Variants in PARVA observed in about 807,000 individuals in gnomAD.
PARVA encodes parvin alpha.
A neutral mutation model predicts 52.6 loss-of-function variants in PARVA; 25 were observed. The observed-to-expected ratio is 0.48, with a 90% CI of 0.35 to 0.66. The LOEUF (loss-of-function observed/expected upper bound fraction) is 0.66, where lower values mean the gene tolerates loss of function less well. PARVA is among the 30% of genes least tolerant of loss of function. PARVA has a pLI of 0.01. For synonymous variants in PARVA, 185 were observed against 179.1 expected (o/e 1.03, Z -0.26); for missense variants, 373 against 450.9 (o/e 0.83, Z 1.56).
At position 12,470,349 on chromosome 11, in the gene PARVA, T is replaced by C. The variant is rs558891854; in HGVS notation, c.137-3396T>C. On this transcript the variant is annotated intron_variant, in intron 1 of 12. Transcript: ENST00000334956. The stretch of plus-strand genomic sequence containing the variant: ...CCTAGCTCTTACCAGCTGCCAGGCA[T>C]GCTTCTGGGTACTTTGCATATATTA... 2.7e-4 allele frequency among the ~76,000 whole-genome samples: 41 copies of C among 152,372 alleles called. 1 individual carries two copies. The highest frequency in any genetic ancestry group is 2.6e-3 in the Admixed American group (40 of 15,310).
At chr11:12,398,255 GC>G (rs1939778993) in intron 1 of PARVA, 1 of 152,008 alleles carries the variant, frequency 6.6e-6, no homozygotes, top group Non-Finnish European at 1.5e-5. Context: ...TCCAAGAGCT[GC>G]CCTCCTTGGG....
chr11:12,514,167 G>A (rs573070572), intron 10 of PARVA, 102 bp downstream of exon 10: 8 of 831,174 alleles, frequency 9.6e-6, no homozygotes, highest in African/African-American at 8.4e-5. Flanking sequence ...CCCAGCTGAG[G>A]GGGATGAGGG....
intron 1 of PARVA, among the ~76,000 whole-genome samples, chr11:12,443,607 C>A (rs1255297022): frequency 6.6e-6 from 1 of 152,132 alleles, no homozygotes; most frequent in African/African-American, 2.4e-5. Flanking sequence ...TTCATTCATG[C>A]TTTTTAAGTA....
At chr11:12,452,814 G>A (rs1235830383) in intron 1 of PARVA, 2 of 280,132 alleles carry the variant, frequency 7.1e-6, no homozygotes, top group East Asian at 8.3e-5. Context: ...TATATAGGCA[G>A]CCACTTGTTT....
At position 12,427,417 on chromosome 11, in the gene PARVA, C is replaced by T. The variant is rs115597930; in HGVS notation, c.137-46328C>T. Among the ~76,000 whole-genome samples the T allele has an allele frequency of 8.5e-3, 1,288 of 152,246 alleles. 24 individuals are homozygous for T. Among genetic ancestry groups the T allele is most frequent in the African/African-American group, 0.029 (1,217 of 41,548 alleles). ...TTCATGACCCTGTTCAAATCCCTTC[C>T]TAGCACAGAAAAATGAAAATCATTG... is the stretch of plus-strand genomic sequence containing the variant. On this transcript the variant is annotated intron_variant, in intron 1 of 12. Transcript: ENST00000334956.
intron 1 of PARVA, among the ~76,000 whole-genome samples, chr11:12,449,783 C>A (rs1027351493): frequency 1.4e-4 from 21 of 152,208 alleles, no homozygotes; most frequent in African/African-American, 4.8e-5. Context: ...TGCTATTAGA[C>A]ATTCTACAGT....
Position 12,517,675 on chromosome 11 carries a change from C to T in PARVA, c.933C>T (p.His311=), listed in dbSNP as rs1327355760. Residue 311 remains histidine (H), a synonymous_variant, in exon 11 of 13, where the codon CAC becomes CAT. Coordinates refer to ENST00000334956, the MANE Select transcript of PARVA (RefSeq NM_018222.5). Reference sequence around the variant, plus strand: ...TGGAGGGCTACTTTGTGCCCCTGCACAGCTTCTTCCTGACCCCGGACAGCT... The same window carrying T: ...TGGAGGGCTACTTTGTGCCCCTGCATAGCTTCTTCCTGACCCCGGACAGCT... ...GLLEGYFVPL[H]SFFLTPDSFE... 1.9e-6 allele frequency: 3 copies of T among 1,604,804 alleles called. No homozygotes were observed. Among genetic ancestry groups the T allele is most frequent in the Admixed American group, 1.7e-5 (1 of 58,924 alleles).
At chr11:12,489,214 G>A (rs1392898397) in intron 4 of PARVA, among the ~76,000 whole-genome samples, 2 of 151,160 alleles carry the variant, frequency 1.3e-5, no homozygotes, top group South Asian at 2.1e-4. Context: ...AATATAAAAT[G>A]AGTATGTTTA....
chr11:12,377,780 G>A lies in PARVA; in HGVS notation c.133G>A (p.Glu45Lys), dbSNP rs769731405. ...CCTGGCCCGGAGGAAGAAAGCCAAG[G>A]AGGGTGAGTGCGGCCAGGCCGGCCG... ...GTLARRKKAK[E>K]VSELQEEGMN... Residue 45 changes from glutamate to lysine, a missense_variant, in exon 1 of 13, where the codon GAG becomes AAG. Physicochemically the swap from Glu to Lys is moderately conservative, Grantham distance 56 (BLOSUM62 1). Coordinates refer to ENST00000334956, the MANE Select transcript of PARVA (RefSeq NM_018222.5). 3.3e-6 allele frequency: 5 copies of A among 1,502,678 alleles called. No homozygotes were observed. Among genetic ancestry groups the A allele is most frequent in the Admixed American group, 2.4e-5 (1 of 42,214 alleles). 93.1% of individuals were successfully genotyped at this position (1,502,678 alleles called of 1,614,324 possible). A position where few individuals can be genotyped will look rare whatever the true frequency, so the allele number is the denominator to read the frequency against.
chr11:12,377,476 G>C (rs1346781677), upstream of PARVA: 1 of 1,400,650 alleles, frequency 7.1e-7, no homozygotes, highest in Non-Finnish European at 9.3e-7. Context: ...GCGCGAGGGA[G>C]GGAGCGAGGG....
chr11:12,444,380 A>G (rs1270030527), intron 1 of PARVA, among the ~76,000 whole-genome samples: 1 of 152,148 alleles, frequency 6.6e-6, no homozygotes, highest in Non-Finnish European at 1.5e-5. Flanking sequence ...ATACTCACTA[A>G]TTCATGGTGA....
chr11:12,433,922 A>C (rs1940351309), intron 1 of PARVA, among the ~76,000 whole-genome samples: 1 of 152,228 alleles, frequency 6.6e-6, no homozygotes, highest in African/African-American at 2.4e-5. Flanking sequence ...AGATGTAAGT[A>C]ACCAAGAATG....
intron 10 of PARVA, among the ~76,000 whole-genome samples, chr11:12,515,006 A>G (rs540601174): frequency 1.3e-5 from 2 of 152,270 alleles, no homozygotes; most frequent in Admixed American, 6.5e-5. Context: ...TTCTGCACAT[A>G]TTAGATTCAG....
intron 1 of PARVA, 50 bp downstream of exon 1, chr11:12,377,833 T>A: frequency 2.1e-6 from 3 of 1,410,788 alleles, no homozygotes; most frequent in Non-Finnish European, 2.8e-6. Flanking sequence ...GGGGGTGCCG[T>A]AGGGGCCGAG....
intron 1 of PARVA, among the ~76,000 whole-genome samples, chr11:12,389,061 T>C (rs1259673910): frequency 6.6e-6 from 1 of 152,166 alleles, no homozygotes; most frequent in Admixed American, 6.5e-5. Flanking sequence ...GTGATCCCTC[T>C]GATAGGTTGC....
chr11:12,428,347 GAA>G (rs1940267593), intron 1 of PARVA, among the ~76,000 whole-genome samples: 1 of 152,192 alleles, frequency 6.6e-6, no homozygotes, highest in African/African-American at 2.4e-5. Flanking sequence ...TAAGAGGAAA[GAA>G]GAGAAGACAC....
intron 1 of PARVA, among the ~76,000 whole-genome samples, chr11:12,454,111 A>C (rs1940661769): frequency 6.6e-6 from 1 of 152,186 alleles, no homozygotes; most frequent in Non-Finnish European, 1.5e-5. Flanking sequence ...GGTCACAAGC[A>C]ACCCCTGGAG....
chr11:12,465,473 T>C (rs1940842738), intron 1 of PARVA, among the ~76,000 whole-genome samples: 1 of 152,222 alleles, frequency 6.6e-6, no homozygotes, highest in South Asian at 2.1e-4. Context: ...ATAAATATCA[T>C]GTGTCTGCCA....
At chr11:12,453,827 G>T (rs1161559831) in intron 1 of PARVA, among the ~76,000 whole-genome samples, 1 of 152,138 alleles carries the variant, frequency 6.6e-6, no homozygotes, top group African/African-American at 2.4e-5. Context: ...AATAAAAAGG[G>T]TGGCTCTAAG....
Sources: allele counts gnomAD v4.1 joint callset (sites outside exome capture counted in the v4.1 genomes callset), GRCh38; gene constraint gnomAD v4.1.1; transcripts MANE v1.5; gene names NCBI Gene and HGNC (gene_info 2026-07-23, HGNC 2026-07-21).